EBF4: variants seen among roughly 807,000 people sequenced by gnomAD.
EBF4 encodes the protein transcription factor COE4.
A neutral mutation model predicts 67.1 loss-of-function variants in EBF4; 34 were observed. The ratio of observed to expected loss-of-function variants is 0.51; its 90% CI spans 0.39 to 0.67. EBF4 has a LOEUF of 0.67. EBF4 is among the 30% of genes least tolerant of loss of function. The probability of loss-of-function intolerance (pLI) is 0.00; values close to 1 mark genes in which losing one functional copy is unlikely to be tolerated. For synonymous variants in EBF4, 387 were observed against 377.7 expected, an observed-to-expected ratio of 1.02 and a Z score of -0.29; for missense variants, 837 against 873.3, an observed-to-expected ratio of 0.96 and a Z score of 0.52.
rs991619015 is a variant in EBF4, at chr20:2,751,672, G to C, written c.1019-28G>C. ...GGGAGTGGGGGGCTGCGGGGGAGAC[G>C]TCCTCCAAACGCCGCCCCCTTCCCC... On this transcript the variant is annotated intron_variant, in intron 10 of 16. Transcript: ENST00000609451. This position sits in a 1 kb window ranked among gnomAD's most constrained non-coding sequence, Gnocchi z 5.2. 2.6e-6 allele frequency: 4 copies of C among 1,548,530 alleles called. No individual in the cohort carries two copies. In the African/African-American group the frequency reaches 5.5e-5, roughly 21 times the overall value.
chr20:2,755,534 C>T lies in EBF4; in HGVS notation c.1541-93C>T. On this transcript the variant is annotated intron_variant, in intron 14 of 16. Transcript: ENST00000609451. This position sits in a 1 kb window ranked among gnomAD's most constrained non-coding sequence, Gnocchi z 4.7. The stretch of plus-strand genomic sequence containing the variant: ...ACCTGTGTCAGCAGCCCATGTGGGG[C>T]CCCAGCCAAGCTGCTCACTCTGGTG... The T allele has an allele frequency of 2.9e-6, 2 of 699,106 alleles. No homozygotes were observed. The highest frequency in any genetic ancestry group is 5.0e-6 in the Non-Finnish European group (2 of 397,784). 43.3% of individuals were successfully genotyped at this position (699,106 alleles called of 1,614,324 possible). A position where few individuals can be genotyped will look rare whatever the true frequency, so the allele number is the denominator to read the frequency against.
rs151324938 is a variant in EBF4, at chr20:2,729,070, T to A, written c.557+19428T>A. On this transcript the variant is annotated intron_variant, in intron 6 of 16. Coordinates refer to ENST00000609451, the Ensembl canonical transcript of EBF4. ...TGTGAATATAACTATATAACCATTT[T>A]AAAATGTTTTTTGATAACTTTCAAT... is the stretch of plus-strand genomic sequence containing the variant. 8.1e-4 allele frequency among the ~76,000 whole-genome samples: 123 copies of A among 152,330 alleles called. 1 individual carries two copies. Among genetic ancestry groups the A allele is most frequent in the Admixed American group, 3.7e-3 (56 of 15,306 alleles).
At chr20:2,704,078 T>C (rs1364461469) in intron 1 of EBF4, among the ~76,000 whole-genome samples, 1 of 152,166 alleles carries the variant, frequency 6.6e-6, no homozygotes, top group Non-Finnish European at 1.5e-5. Flanking sequence ...GAAGCTGCAG[T>C]GCTTTTATGA....
At position 2,693,634 on chromosome 20, in the gene EBF4, C is replaced by T; in HGVS notation, c.-12C>T. On this transcript the variant is annotated 5_prime_UTR_variant, in exon 1 of 17. Coordinates refer to ENST00000609451, the Ensembl canonical transcript of EBF4. The surrounding 1 kb of genome is among the most constrained non-coding windows in gnomAD (Gnocchi z 4.6). Reference sequence around the variant, plus strand: ...CCGGGGCGGCGGGGGCGCTCACTCACCGCGCGCCCTCATGTTCCCTGCGCA... The same window carrying T: ...CCGGGGCGGCGGGGGCGCTCACTCATCGCGCGCCCTCATGTTCCCTGCGCA... The T allele has an allele frequency of 7.1e-7, 1 of 1,404,630 alleles. No homozygotes were observed. The highest frequency in any genetic ancestry group is 1.5e-5 in the South Asian group (1 of 66,940). 87.0% of individuals were successfully genotyped at this position (1,404,630 alleles called of 1,614,324 possible).
At chr20:2,731,754 A>G (rs1365568975) in intron 6 of EBF4, among the ~76,000 whole-genome samples, 1 of 152,162 alleles carries the variant, frequency 6.6e-6, no homozygotes, top group Non-Finnish European at 1.5e-5. Context: ...CCTGTAATCT[A>G]TGGTATTCCT....
chr20:2,735,725 A>G (rs1218377821), intron 6 of EBF4, among the ~76,000 whole-genome samples: 1 of 152,204 alleles, frequency 6.6e-6, no homozygotes, highest in East Asian at 1.9e-4. Flanking sequence ...TGGGGCTGGG[A>G]CTATGATGGA....
chr20:2,709,498 C>T lies in EBF4; in HGVS notation c.489-76C>T, dbSNP rs922992440. 9.3e-6 allele frequency: 13 copies of T among 1,396,354 alleles called. 1 individual carries two copies. In the Middle Eastern group the frequency reaches 2.0e-3, roughly 217 times the overall value. 86.5% of individuals were successfully genotyped at this position (1,396,354 alleles called of 1,614,324 possible). ...ATCAGCACCCTCAGCTCAGGGCGCC[C>T]CCCACAACTCACACACTGTCGTGGC... On this transcript the variant is annotated intron_variant, in intron 5 of 16. Transcript: ENST00000609451.
chr20:2,699,516 T>C (rs974758872), intron 1 of EBF4, among the ~76,000 whole-genome samples: 2 of 152,210 alleles, frequency 1.3e-5, no homozygotes, highest in East Asian at 3.8e-4. Flanking sequence ...AAATCTGGGT[T>C]CTTTAGTACG....
intron 1 of EBF4, among the ~76,000 whole-genome samples, chr20:2,694,087 C>T (rs2087252795): frequency 6.6e-6 from 1 of 152,222 alleles, no homozygotes; most frequent in South Asian, 2.1e-4. Flanking sequence ...AGGCAGAGCT[C>T]CCAGCCATGA....
At chr20:2,695,966 A>G (rs2087282868) in intron 1 of EBF4, among the ~76,000 whole-genome samples, 1 of 152,096 alleles carries the variant, frequency 6.6e-6, no homozygotes, top group Non-Finnish European at 1.5e-5. Context: ...CAGTGCCCTC[A>G]GCCACCACTT....
chr20:2,749,383 C>G lies in EBF4; in HGVS notation c.640-18C>G. Reference sequence around the variant, plus strand: ...CCCCCGAGGGCCCCAGCCAGGCTGGCCTCGGCTCTCCCCGCAGGTGGTGGT... The same window carrying G: ...CCCCCGAGGGCCCCAGCCAGGCTGGGCTCGGCTCTCCCCGCAGGTGGTGGT... On this transcript the variant is annotated intron_variant, in intron 7 of 16. Coordinates refer to ENST00000609451, the Ensembl canonical transcript of EBF4. The G allele has an allele frequency of 2.0e-6, 3 of 1,517,734 alleles. No individual in the cohort carries two copies. The highest frequency in any genetic ancestry group is 2.7e-6 in the Non-Finnish European group (3 of 1,126,566). The allele number at this position is 1,517,734 out of a possible 1,614,324, so 94.0% of individuals were successfully genotyped here.
chr20:2,749,712 G>C (rs2088109586), exon 9 of EBF4: 3 of 1,555,072 alleles, frequency 1.9e-6, no homozygotes, highest in Non-Finnish European at 2.6e-6. Flanking sequence ...CTTCTTCGAC[G>C]GGTTGCAGGT....
At chr20:2,738,793 C>T (rs986050835) in intron 6 of EBF4, among the ~76,000 whole-genome samples, 1 of 152,230 alleles carries the variant, frequency 6.6e-6, no homozygotes, top group Non-Finnish European at 1.5e-5. Flanking sequence ...AAAATTGACG[C>T]TGTTCATTAA....
intron 10 of EBF4, among the ~76,000 whole-genome samples, chr20:2,750,729 T>A (rs2088131570): frequency 1.3e-5 from 2 of 152,012 alleles, no homozygotes; most frequent in South Asian, 2.1e-4. Flanking sequence ...GAGAACCGCA[T>A]GGGGTGGGTG....
At chr20:2,693,308 C>T (rs2087237256), upstream of EBF4, among the ~76,000 whole-genome samples, 1 of 149,698 alleles carries the variant, frequency 6.7e-6, no homozygotes, top group Admixed American at 6.6e-5. This position sits in a 1 kb window ranked among gnomAD's most constrained non-coding sequence, Gnocchi z 4.6. Context: ...GGGCAGCCGC[C>T]AGAGCGCGCC....
intron 5 of EBF4, among the ~76,000 whole-genome samples, chr20:2,709,157 A>T (rs2146393411): frequency 6.6e-6 from 1 of 152,330 alleles, no homozygotes; most frequent in South Asian, 2.1e-4. Context: ...ACTGTACTCC[A>T]GCCTGGGTGA....
At position 2,752,022 on chromosome 20, in the gene EBF4, C is replaced by T. The variant is rs1453337033; in HGVS notation, c.1173+35C>T. The T allele has an allele frequency of 7.9e-6, 12 of 1,526,630 alleles. No individual in the cohort carries two copies. The East Asian group carries it at 2.5e-4, about 32-fold the overall frequency. 94.6% of individuals were successfully genotyped at this position (1,526,630 alleles called of 1,614,324 possible). ...CTCCGCCCTCCCAGCGCCGCCGGGA[C>T]CGGGGCCCCCCAGCACGCGGCGCCC... On this transcript the variant is annotated intron_variant, in intron 12 of 16. Coordinates refer to ENST00000609451, the Ensembl canonical transcript of EBF4.
chr20:2,723,707 C>A (rs2146429665), intron 6 of EBF4, among the ~76,000 whole-genome samples: 1 of 152,282 alleles, frequency 6.6e-6, no homozygotes, highest in East Asian at 1.9e-4. Context: ...TATTTTTTAA[C>A]TGGCAAGTTT....
chr20:2,709,677 G>A (rs1353774756), intron 6 of EBF4, 35 bp downstream of exon 6: 3 of 1,496,962 alleles, frequency 2.0e-6, no homozygotes, highest in Non-Finnish European at 2.7e-6. Context: ...GAAGCTCAGA[G>A]GAGAGTGGGG....
Sources: allele counts gnomAD v4.1 joint callset (sites outside exome capture counted in the v4.1 genomes callset), GRCh38; gene constraint gnomAD v4.1.1; non-coding constraint Gnocchi (gnomAD v3.1); transcripts MANE v1.5; gene names NCBI Gene and HGNC (gene_info 2026-07-23, HGNC 2026-07-21).